Variants in NRXN3 observed in about 807,000 individuals in gnomAD.
NRXN3 encodes neurexin III.
NRXN3 carries 32 observed loss-of-function variants against 137.6 expected under a neutral mutation model. The observed-to-expected ratio is 0.23, with a 90% CI of 0.18 to 0.31. The LOEUF (loss-of-function observed/expected upper bound fraction) is 0.31, where lower values mean the gene tolerates loss of function less well. Among genes scored for constraint, NRXN3 ranks in the 10% least tolerant of loss-of-function variants. NRXN3 has a pLI of 1.00. For missense variants in NRXN3, 1,574 were observed against 2,062.5 expected (o/e 0.76, Z 4.59); for synonymous variants, 798 against 784.5 (o/e 1.02, Z -0.29).
chr14:78,566,640 G>T (rs553645595), intron 4 of NRXN3, among the ~76,000 whole-genome samples: 213 of 152,264 alleles, frequency 1.4e-3, no homozygotes, highest in Non-Finnish European at 2.2e-3. Context: ...CTTGCCCCGA[G>T]CCCCCACCTT....
intron 4 of NRXN3, among the ~76,000 whole-genome samples, chr14:78,324,757 G>A (rs2079838040): frequency 6.6e-6 from 1 of 152,044 alleles, no homozygotes; most frequent in Non-Finnish European, 1.5e-5. Flanking sequence ...CTGAAATCTT[G>A]CCTGAGAAAT....
intron 20 of NRXN3, among the ~76,000 whole-genome samples, chr14:79,835,021 C>A (rs572597344): frequency 2.2e-4 from 33 of 152,182 alleles, no homozygotes; most frequent in African/African-American, 7.7e-4. Context: ...TTTGCAGTCT[C>A]CAAAAAGAAG....
intron 15 of NRXN3, among the ~76,000 whole-genome samples, chr14:79,439,470 G>C (rs530357895): frequency 2.3e-4 from 35 of 152,132 alleles, no homozygotes; most frequent in Non-Finnish European, 4.3e-4. Context: ...CAGTGACATT[G>C]CTCCAAGACC....
chr14:78,287,278 A>G (rs1185660878), intron 3 of NRXN3, among the ~76,000 whole-genome samples: 3 of 152,206 alleles, frequency 2.0e-5, no homozygotes, highest in Admixed American at 2.0e-4. Context: ...TGAGTTCCCC[A>G]TGGCTTTTAG....
chr14:78,657,552 A>G (rs1177794532), intron 6 of NRXN3, among the ~76,000 whole-genome samples: 2 of 152,188 alleles, frequency 1.3e-5, no homozygotes, highest in Admixed American at 1.3e-4. Context: ...CACATATTTA[A>G]AGGAAAAAGG....
chr14:79,777,770 A>ACG (rs2099101541), intron 19 of NRXN3, among the ~76,000 whole-genome samples: 3 of 151,658 alleles, frequency 2.0e-5, no homozygotes, highest in African/African-American at 7.3e-5. Context: ...AGTATAGCAA[A>ACG]TGTTGAGATA....
At chr14:79,387,908 A>T (rs559237101) in intron 15 of NRXN3, among the ~76,000 whole-genome samples, 1 of 137,882 alleles carries the variant, frequency 7.3e-6, no homozygotes, top group Admixed American at 8.2e-5. Context: ...AACAATGAGA[A>T]CACTTGGACA....
At chr14:78,836,440 T>A (rs2098997253) in intron 10 of NRXN3, among the ~76,000 whole-genome samples, 1 of 152,166 alleles carries the variant, frequency 6.6e-6, no homozygotes, top group African/African-American at 2.4e-5. Context: ...CTGGCCAAAG[T>A]GTAGTTTCCT....
intron 8 of NRXN3, among the ~76,000 whole-genome samples, chr14:78,722,589 A>G (rs936540048): frequency 6.6e-6 from 1 of 152,232 alleles, no homozygotes; most frequent in Admixed American, 6.5e-5. Context: ...TTTATTGAAA[A>G]AAATGATGTG....
intron 10 of NRXN3, among the ~76,000 whole-genome samples, chr14:78,883,077 C>A (rs1019150663): frequency 6.6e-6 from 1 of 152,104 alleles, no homozygotes; most frequent in African/African-American, 2.4e-5. Flanking sequence ...GTTTGCTTCC[C>A]CTTCTGCCAT....
At chr14:78,924,557 T>C (rs2099279801) in intron 10 of NRXN3, among the ~76,000 whole-genome samples, 1 of 152,194 alleles carries the variant, frequency 6.6e-6, no homozygotes, top group Non-Finnish European at 1.5e-5. Context: ...AGAAACATTA[T>C]TTCTATTCTG....
intron 4 of NRXN3, among the ~76,000 whole-genome samples, chr14:78,621,348 A>G (rs1346622110): frequency 6.6e-6 from 1 of 152,108 alleles, no homozygotes; most frequent in Non-Finnish European, 1.5e-5. Context: ...CCTTTATACC[A>G]TGTAGGTTGA....
At chr14:78,980,283 C>G (rs566379553) in intron 14 of NRXN3, among the ~76,000 whole-genome samples, 2 of 152,346 alleles carry the variant, frequency 1.3e-5, no homozygotes, top group South Asian at 4.1e-4. Flanking sequence ...TTCTCCTTTT[C>G]TCCCTTACCC....
intron 10 of NRXN3, among the ~76,000 whole-genome samples, chr14:78,938,848 C>CTTTTTTTTTTTTT (rs1255540319): frequency 1.5e-5 from 2 of 132,024 alleles, no homozygotes; most frequent in South Asian, 2.5e-4. Flanking sequence ...AGTGATTTTT[C>CTTTTTTTTTTTTT]TTTTTTTTTT....
At chr14:79,356,836 C>T (rs1250819187) in intron 15 of NRXN3, among the ~76,000 whole-genome samples, 2 of 152,070 alleles carry the variant, frequency 1.3e-5, no homozygotes, top group African/African-American at 4.8e-5. Flanking sequence ...TCAAGTGATT[C>T]TGCTGCCTCA....
chr14:78,564,561 G>A (rs188831313), intron 4 of NRXN3, among the ~76,000 whole-genome samples: 11 of 152,268 alleles, frequency 7.2e-5, no homozygotes, highest in East Asian at 5.8e-4. Flanking sequence ...GGAACACCCC[G>A]GCCTCCTCTC....
chr14:78,875,906 GAAC>G (rs150574796), intron 10 of NRXN3, among the ~76,000 whole-genome samples: 3,402 of 152,250 alleles, frequency 0.022, 46 homozygotes, highest in African/African-American at 0.037. Context: ...GAACAACTGA[GAAC>G]AACTACTCCC....
In NRXN3 at chr14:79,620,182, C is replaced by A. The variant is rs111533958; in HGVS notation, c.3445-43596C>A. 5.2e-3 allele frequency among the ~76,000 whole-genome samples: 791 copies of A among 152,076 alleles called. 5 individuals carry two copies. The highest frequency in any genetic ancestry group is 0.018 in the African/African-American group (767 of 41,506). On this transcript the variant is annotated intron_variant, in intron 16 of 20. Transcript: ENST00000335750. Reference sequence around the variant, plus strand: ...ATTTCCAGAAAGAAATCAGATAGTACAAGGAGTGTCCAGAGAATGATGTAT... The same window carrying A: ...ATTTCCAGAAAGAAATCAGATAGTAAAAGGAGTGTCCAGAGAATGATGTAT...
intron 1 of NRXN3, among the ~76,000 whole-genome samples, chr14:78,218,024 C>A (rs893704287): frequency 2.0e-5 from 3 of 152,132 alleles, no homozygotes; most frequent in African/African-American, 7.2e-5. Context: ...TGCTATTTTC[C>A]TTTCTTTAAC....
Sources: gnomAD v4.1 joint callset for allele counts (sites outside exome capture counted in the v4.1 genomes callset) on GRCh38, gnomAD v4.1.1 for gene constraint, MANE v1.5 for transcripts, NCBI Gene and HGNC (gene_info 2026-07-23, HGNC 2026-07-21) for gene names.